Variants in LINGO1 observed in about 807,000 individuals in gnomAD.
LINGO1 encodes the protein leucine-rich repeat and immunoglobulin-like domain-containing nogo receptor-interacting protein 1.
LINGO1 carries 11 observed loss-of-function variants against 37.3 expected under a neutral mutation model. The ratio of observed to expected loss-of-function variants is 0.29; its 90% CI spans 0.19 to 0.49. The LOEUF is 0.49. LINGO1 is among the 20% of genes least tolerant of loss of function. The pLI is 0.99. For synonymous variants in LINGO1, 387 were observed against 403.0 expected (o/e 0.96, Z 0.48); for missense variants, 585 against 878.2 (o/e 0.67, Z 4.22).
At chr15:77,755,387 T>A (rs149325455) in intron 1 of LINGO1, among the ~76,000 whole-genome samples, 12 of 152,260 alleles carry the variant, frequency 7.9e-5, no homozygotes, top group African/African-American at 2.4e-4. Flanking sequence ...ATGGTAGAAA[T>A]GAGGAAACTG....
At chr15:77,714,340 G>C (rs2075957587) in intron 2 of LINGO1, among the ~76,000 whole-genome samples, 1 of 152,118 alleles carries the variant, frequency 6.6e-6, no homozygotes, top group Admixed American at 6.5e-5. Context: ...GCAGCAGCTG[G>C]AGAGATCTTT....
intron 3 of LINGO1, among the ~76,000 whole-genome samples, chr15:77,645,561 G>A (rs955911434): frequency 2.6e-5 from 4 of 152,212 alleles, no homozygotes; most frequent in African/African-American, 7.2e-5. Context: ...GGAAAACATC[G>A]TGAACAAATT....
intron 1 of LINGO1, among the ~76,000 whole-genome samples, chr15:77,812,472 G>A (rs1015342403): frequency 6.6e-6 from 1 of 152,236 alleles, no homozygotes; most frequent in African/African-American, 2.4e-5. Context: ...TAAGGAAGGT[G>A]GAGAATAGAG....
At chr15:77,724,054 A>G (rs2076078280) in intron 2 of LINGO1, among the ~76,000 whole-genome samples, 1 of 152,166 alleles carries the variant, frequency 6.6e-6, no homozygotes, top group Non-Finnish European at 1.5e-5. Flanking sequence ...TGGGCTATAT[A>G]TAGTGGGCAC....
At chr15:77,816,165 T>C (rs142418486) in intron 1 of LINGO1, among the ~76,000 whole-genome samples, 4 of 152,334 alleles carry the variant, frequency 2.6e-5, no homozygotes, top group African/African-American at 9.6e-5. Context: ...CCCAGCCGGC[T>C]TCACTAATAC....
intron 3 of LINGO1, chr15:77,647,705 C>A: frequency 2.7e-6 from 1 of 367,396 alleles, no homozygotes; most frequent in Non-Finnish European, 5.4e-6. Flanking sequence ...CCTGGCAAAA[C>A]GTTGCACACC....
At chr15:77,621,960 G>A (rs1246692555) in intron 1 of LINGO1, among the ~76,000 whole-genome samples, 2 of 152,230 alleles carry the variant, frequency 1.3e-5, no homozygotes, top group East Asian at 3.9e-4. Flanking sequence ...CACGAAGGCT[G>A]GGGCCCAGGG....
chr15:77,671,486 C>CA (rs1294918247), intron 3 of LINGO1, among the ~76,000 whole-genome samples: 9 of 152,362 alleles, frequency 5.9e-5, no homozygotes, highest in African/African-American at 2.2e-4. Context: ...CGGTTACCTT[C>CA]AGACACATGA....
intron 3 of LINGO1, among the ~76,000 whole-genome samples, chr15:77,674,535 C>T (rs1172417256): frequency 6.6e-6 from 1 of 152,154 alleles, no homozygotes; most frequent in Non-Finnish European, 1.5e-5. Flanking sequence ...CCCTCACTCA[C>T]CCTGTTCTGG....
chr15:77,812,104 C>T (rs1484132958), intron 1 of LINGO1, among the ~76,000 whole-genome samples: 1 of 152,188 alleles, frequency 6.6e-6, no homozygotes, highest in East Asian at 1.9e-4. Flanking sequence ...TCGCTTTTCA[C>T]AAATTCCACT....
chr15:77,668,787 G>A lies in LINGO1; in HGVS notation c.-13+8302C>T, dbSNP rs1288342093. On this transcript the variant is annotated intron_variant, in intron 3 of 3. Transcript: ENST00000559893. Reference sequence around the variant, plus strand: ...GGGAGCTGCCCTGGGGAGCTCACAGGGGAATACACACACACACACACACAC... The same window carrying A: ...GGGAGCTGCCCTGGGGAGCTCACAGAGGAATACACACACACACACACACAC... Among the ~76,000 whole-genome samples, 10 of 125,556 alleles carry A rather than the reference G, an allele frequency of 8.0e-5. No individual in the cohort carries two copies. In the South Asian group the frequency reaches 2.2e-3, roughly 28 times the overall value. 82.4% of individuals were successfully genotyped at this position (125,556 alleles called of 152,430 possible). A position where few individuals can be genotyped will look rare whatever the true frequency, so the allele number is the denominator to read the frequency against.
chr15:77,803,578 G>A (rs2076936199), intron 1 of LINGO1, among the ~76,000 whole-genome samples: 1 of 152,164 alleles, frequency 6.6e-6, no homozygotes, highest in Admixed American at 6.5e-5. Flanking sequence ...CCCAGTGTTG[G>A]AGGTGGGGCC....
intron 2 of LINGO1, among the ~76,000 whole-genome samples, chr15:77,708,958 G>A (rs1278037434): frequency 6.6e-6 from 1 of 152,138 alleles, no homozygotes; most frequent in Non-Finnish European, 1.5e-5. Context: ...ACACTCAGGG[G>A]AGGAGGCCAC....
chr15:77,669,134 C>T (rs139395795), intron 3 of LINGO1, among the ~76,000 whole-genome samples: 63 of 152,386 alleles, frequency 4.1e-4, no homozygotes, highest in African/African-American at 1.4e-3. Flanking sequence ...CTGGCCTGGG[C>T]CGCCACTGGG....
chr15:77,685,952 C>A (rs1337145883), intron 2 of LINGO1, among the ~76,000 whole-genome samples: 3 of 152,194 alleles, frequency 2.0e-5, no homozygotes, highest in African/African-American at 7.2e-5. Flanking sequence ...CTGAGCAGGT[C>A]CCTACTGTCC....
intron 1 of LINGO1, among the ~76,000 whole-genome samples, chr15:77,783,064 C>G (rs2141429832): frequency 6.6e-6 from 1 of 152,184 alleles, no homozygotes; most frequent in East Asian, 1.9e-4. Context: ...CATTCAGCCC[C>G]TTCAGCCTCA....
At chr15:77,654,124 C>T (rs1276211457) in intron 3 of LINGO1, among the ~76,000 whole-genome samples, 1 of 152,228 alleles carries the variant, frequency 6.6e-6, no homozygotes, top group African/African-American at 2.4e-5. Context: ...CTCGCCTCTT[C>T]CTGCTACCAT....
Position 77,819,031 on chromosome 15 carries a change from T to C in LINGO1, c.-458+1227A>G, listed in dbSNP as rs866522106. Among the ~76,000 whole-genome samples the C allele has an allele frequency of 5.3e-5, 8 of 151,146 alleles. No individual in the cohort carries two copies. The South Asian group carries it at 1.5e-3, about 27-fold the overall frequency. On this transcript the variant is annotated intron_variant, in intron 1 of 5. Transcript: ENST00000562933. Reference sequence around the variant, plus strand: ...TGCTGCAAGTCGTCGGGGCTGCAGCTGCAGGTAAGGGTGAGGCGGGGCCGC... The same window carrying C: ...TGCTGCAAGTCGTCGGGGCTGCAGCCGCAGGTAAGGGTGAGGCGGGGCCGC...
chr15:77,723,642 C>A (rs2076073468), intron 2 of LINGO1, among the ~76,000 whole-genome samples: 1 of 152,160 alleles, frequency 6.6e-6, no homozygotes, highest in South Asian at 2.1e-4. Context: ...CGGGCCCCAC[C>A]CTAGTCCAGG....
Sources: gnomAD v4.1 joint callset for allele counts (sites outside exome capture counted in the v4.1 genomes callset) on GRCh38, gnomAD v4.1.1 for gene constraint, MANE v1.5 for transcripts, NCBI Gene and HGNC (gene_info 2026-07-23, HGNC 2026-07-21) for gene names.